Variants in PDE10A observed in about 807,000 individuals in gnomAD.
PDE10A encodes the protein phosphodiesterase 10A.
Under a neutral mutation model 97.7 loss-of-function variants are expected in PDE10A, and 39 were observed. That is an observed-to-expected ratio of 0.40 (90% CI 0.31 to 0.52). PDE10A has a LOEUF of 0.52. Ranked by LOEUF, PDE10A falls within the 20% of genes least tolerant of loss-of-function variation. PDE10A has a pLI of 0.56. For synonymous variants in PDE10A, 371 were observed against 376.8 expected (o/e 0.98, Z 0.18); for missense variants, 731 against 1,047.8 (o/e 0.70, Z 4.17).
At chr6:165,557,562 T>C (rs1171006976) in intron 1 of PDE10A, among the ~76,000 whole-genome samples, 4 of 152,196 alleles carry the variant, frequency 2.6e-5, no homozygotes, top group Non-Finnish European at 4.4e-5. Context: ...ATGATATTCA[T>C]ATGCAGACTT....
chr6:165,358,996 A>G (rs1250385396), intron 18 of PDE10A, among the ~76,000 whole-genome samples: 1 of 151,904 alleles, frequency 6.6e-6, no homozygotes, highest in Non-Finnish European at 1.5e-5. Context: ...CCCTTCACAA[A>G]TGTAAGAAAC....
rs750085509 is a variant in PDE10A at position 165,656,236 on chromosome 6, A to ACTCT, written c.865+5707_865+5710dup. 4.9e-3 allele frequency among the ~76,000 whole-genome samples: 621 copies of ACTCT among 125,942 alleles called. 6 individuals carry two copies. The highest frequency in any genetic ancestry group is 0.018 in the African/African-American group (585 of 31,760). The allele number at this position is 125,942 out of a possible 152,430, so 82.6% of individuals were successfully genotyped here. A position where few individuals can be genotyped will look rare whatever the true frequency, so the allele number is the denominator to read the frequency against. ...TGGAACTACTCCCATTCCAACCCCA[A>ACTCT]CTCTCTCTCTCTCTCTCTCTCTCAC... On this transcript the variant is annotated intron_variant, in intron 1 of 21. Coordinates refer to ENST00000539869, the MANE Select transcript of PDE10A (RefSeq NM_001385079.1).
Position 165,671,246 on chromosome 6 carries a change from T to C in PDE10A, c.-614-127678A>G, listed in dbSNP as rs553274019. ...GATAGGCTAGAGTGAAACCCTCTTC[T>C]GTTTTTTTAACTACCTTGATTAAGC... On this transcript the variant is annotated intron_variant, in intron 1 of 19. Transcript: ENST00000366882. This position sits in a 1 kb window ranked among gnomAD's most constrained non-coding sequence, Gnocchi z 4.6. Among the ~76,000 whole-genome samples the C allele has an allele frequency of 6.6e-6, 1 of 152,198 alleles. No homozygotes were observed. Among genetic ancestry groups the C allele is most frequent in the Admixed American group, 6.5e-5 (1 of 15,272 alleles).
intron 21 of PDE10A, among the ~76,000 whole-genome samples, chr6:165,333,388 G>A (rs1191117175): frequency 6.6e-6 from 1 of 152,202 alleles, no homozygotes; most frequent in African/African-American, 2.4e-5. Context: ...CTAGGGCTCA[G>A]CATACGTCCT....
chr6:165,375,888 C>T (rs1784576574), intron 18 of PDE10A, among the ~76,000 whole-genome samples: 1 of 150,750 alleles, frequency 6.6e-6, no homozygotes, highest in African/African-American at 2.4e-5. Flanking sequence ...GCATGATATA[C>T]TGAACATTCT....
intron 17 of PDE10A, among the ~76,000 whole-genome samples, chr6:165,387,373 C>T (rs1288339234): frequency 6.6e-6 from 1 of 152,120 alleles, no homozygotes; most frequent in Non-Finnish European, 1.5e-5. Flanking sequence ...GGCAGCACTA[C>T]CAATCACGTG....
At chr6:165,707,062 A>G (rs1203842950) in intron 1 of PDE10A, among the ~76,000 whole-genome samples, 1 of 152,250 alleles carries the variant, frequency 6.6e-6, no homozygotes, top group African/African-American at 2.4e-5. Flanking sequence ...ATTGCTTAAA[A>G]CACAGGGACT....
intron 2 of PDE10A, among the ~76,000 whole-genome samples, chr6:165,505,737 C>T (rs1415916816): frequency 6.6e-6 from 1 of 152,100 alleles, no homozygotes; most frequent in African/African-American, 2.4e-5. Flanking sequence ...GAGCTTCTCT[C>T]AGAGAAAACA....
At chr6:165,668,209 T>C (rs144943092), upstream of PDE10A, among the ~76,000 whole-genome samples, 56 of 152,336 alleles carry the variant, frequency 3.7e-4, no homozygotes, top group East Asian at 9.3e-3. Context: ...TTAAAGCTTT[T>C]AAATAGAAAG....
chr6:165,758,654 G>GGAGGAGGAA (rs537063368), intron 1 of PDE10A, among the ~76,000 whole-genome samples: 1 of 150,180 alleles, frequency 6.7e-6, no homozygotes, highest in African/African-American at 2.4e-5. Context: ...AGGAAGAGGA[G>GGAGGAGGAA]GAGGAGGAAG....
intron 1 of PDE10A, among the ~76,000 whole-genome samples, chr6:165,615,019 G>C (rs1381316996): frequency 6.6e-6 from 1 of 151,918 alleles, no homozygotes; most frequent in African/African-American, 2.4e-5. Flanking sequence ...AGACCAGCCT[G>C]GCCAACATGG....
At chr6:165,462,509 G>A (rs1778384788) in intron 3 of PDE10A, among the ~76,000 whole-genome samples, 4 of 152,198 alleles carry the variant, frequency 2.6e-5, no homozygotes, top group Admixed American at 2.0e-4. Flanking sequence ...CGATTTGGAT[G>A]CCATCAAGAC....
rs145714608 is a variant in PDE10A at position 165,822,562 on chromosome 6, G to A, written c.-615+164967C>T. Among the ~76,000 whole-genome samples, 759 of 152,100 alleles carry A rather than the reference G, an allele frequency of 5.0e-3. 4 individuals are homozygous for A. Among genetic ancestry groups the A allele is most frequent in the African/African-American group, 0.017 (705 of 41,488 alleles). On this transcript the variant is annotated intron_variant, in intron 1 of 19. Transcript: ENST00000366882. ...ATACTTCAGGCAGTTGTAACACAAT[G>A]GTATTTGTGTATCTAAACATAGAAA...
intron 1 of PDE10A, among the ~76,000 whole-genome samples, chr6:165,927,599 CT>C (rs960672768): frequency 2.1e-4 from 28 of 132,846 alleles, no homozygotes; most frequent in Non-Finnish European, 3.3e-4. Flanking sequence ...GCTTATATGT[CT>C]TTTTTTTCTC....
intron 2 of PDE10A, among the ~76,000 whole-genome samples, chr6:165,499,226 G>C (rs886220837): frequency 1.3e-5 from 2 of 152,218 alleles, no homozygotes; most frequent in African/African-American, 4.8e-5. Context: ...CAGGGGACCA[G>C]CAGCAGAGGA....
At chr6:165,546,388 C>T (rs914296346) in intron 1 of PDE10A, among the ~76,000 whole-genome samples, 3 of 152,002 alleles carry the variant, frequency 2.0e-5, no homozygotes, top group Non-Finnish European at 2.9e-5. Flanking sequence ...AACTTTATAG[C>T]ACAAAGAGTA....
intron 1 of PDE10A, among the ~76,000 whole-genome samples, chr6:165,726,537 G>A (rs1792299135): frequency 6.6e-6 from 1 of 150,632 alleles, no homozygotes; most frequent in African/African-American, 2.4e-5. Context: ...CCGGGGGAGA[G>A]GAGAGCCACG....
intron 1 of PDE10A, among the ~76,000 whole-genome samples, chr6:165,627,996 C>A (rs1217763397): frequency 6.6e-6 from 1 of 152,166 alleles, no homozygotes; most frequent in East Asian, 1.9e-4. Flanking sequence ...TTGGGGCTTA[C>A]CTGGAATATA....
chr6:165,628,327 A>G (rs1242725489), intron 1 of PDE10A, among the ~76,000 whole-genome samples: 5 of 151,608 alleles, frequency 3.3e-5, no homozygotes, highest in Non-Finnish European at 2.9e-5. Flanking sequence ...TAGAGCGAGC[A>G]TGCACTAATG....
Sources: gnomAD v4.1 joint callset for allele counts (sites outside exome capture counted in the v4.1 genomes callset) on GRCh38, gnomAD v4.1.1 for gene constraint, Gnocchi (gnomAD v3.1) non-coding constraint, MANE v1.5 for transcripts, NCBI Gene and HGNC (gene_info 2026-07-23, HGNC 2026-07-21) for gene names.